Variants in PHIP observed in about 807,000 individuals in gnomAD.
The protein encoded by PHIP is PHIP subunit of CUL4-Ring ligase complex.
Under a neutral mutation model 236.8 loss-of-function variants are expected in PHIP, and 54 were observed. The observed-to-expected ratio is 0.23, with a 90% CI of 0.18 to 0.29. The LOEUF is 0.29. PHIP is among the 10% of genes least tolerant of loss of function. The probability of loss-of-function intolerance (pLI) is 1.00; values close to 1 mark genes in which losing one functional copy is unlikely to be tolerated. For synonymous variants in PHIP, 756 were observed against 718.9 expected (o/e 1.05, Z -0.83); for missense variants, 1,370 against 2,190.8 (o/e 0.63, Z 7.48).
At chr6:79,052,408 G>A (rs1407918061) in intron 6 of PHIP, among the ~76,000 whole-genome samples, 1 of 152,302 alleles carries the variant, frequency 6.6e-6, no homozygotes. Flanking sequence ...CAAGAGAAGA[G>A]ACTGAGAAGG....
intron 7 of PHIP, among the ~76,000 whole-genome samples, chr6:79,034,709 G>A (rs1002611536): frequency 6.6e-6 from 1 of 152,194 alleles, no homozygotes; most frequent in Non-Finnish European, 1.5e-5. Context: ...AGGCCAAGAA[G>A]TCAATTTAGG....
At chr6:79,046,876 AAAC>A (rs565603512) in intron 6 of PHIP, among the ~76,000 whole-genome samples, 2 of 151,676 alleles carry the variant, frequency 1.3e-5, no homozygotes, top group Non-Finnish European at 2.9e-5. Context: ...ACTCCATCTC[AAAC>A]AACAACAAAT....
chr6:78,969,218 G>A (rs1052675938), intron 27 of PHIP, among the ~76,000 whole-genome samples: 8 of 152,150 alleles, frequency 5.3e-5, no homozygotes, highest in African/African-American at 7.2e-5. Flanking sequence ...ATGTCAATGC[G>A]TTCTAGTGGC....
At chr6:78,958,733 C>A in intron 31 of PHIP, 133 bp from the exon 32 acceptor site, 1 of 641,530 alleles carries the variant, frequency 1.6e-6, no homozygotes. Flanking sequence ...CTTATAAAGT[C>A]ATTTTCAAAG....
At position 78,940,548 on chromosome 6, in the gene PHIP, GTTT is replaced by G. The variant is rs36155238; in HGVS notation, c.*142_*144del. The G allele has an allele frequency of 5.0e-4, 41 of 82,702 alleles. No homozygotes were observed. Among genetic ancestry groups the G allele is most frequent in the Non-Finnish European group, 5.6e-4 (27 of 47,992 alleles). 5.1% of individuals were successfully genotyped at this position (82,702 alleles called of 1,614,324 possible). On this transcript the variant is annotated 3_prime_UTR_variant, in exon 40 of 40. Transcript: ENST00000275034. ...AAGAAGTGAAGTGTCTCGTAAGTTT[GTTT>G]TTTTTTTTTTTTTTTTTTTTGCAAA...
At chr6:79,050,785 T>C (rs1019111298) in intron 6 of PHIP, among the ~76,000 whole-genome samples, 1 of 152,130 alleles carries the variant, frequency 6.6e-6, no homozygotes, top group East Asian at 1.9e-4. Flanking sequence ...AAAGAAACAC[T>C]AATGCCTAAG....
At position 78,961,791 on chromosome 6, in the gene PHIP, C is replaced by A. The variant is rs936094555; in HGVS notation, c.3555G>T (p.Val1185=). The change falls in exon 31 of 40, where the codon GTG becomes GTT. Residue 1185 remains valine (V), a synonymous_variant. Coordinates refer to ENST00000275034, the MANE Select transcript of PHIP (RefSeq NM_017934.7). ...LMTLDIASAF[V]APVDLQAYPM... ...GATAGGCTTGCAGATCCACGGGGGC[C>A]ACAAATGCTGAGGCAATATCTAAAA... 1.2e-6 allele frequency: 2 copies of A among 1,610,190 alleles called. No individual in the cohort carries two copies. The highest frequency in any genetic ancestry group is 1.7e-6 in the Non-Finnish European group (2 of 1,177,630).
rs1773198643 is a variant in PHIP, at chr6:78,934,712, A to C, written c.*5981T>G. 1.3e-5 allele frequency among the ~76,000 whole-genome samples: 2 copies of C among 152,240 alleles called. No individual in the cohort carries two copies. Among genetic ancestry groups the C allele is most frequent in the Admixed American group, 6.5e-5 (1 of 15,284 alleles). ...CACCACTGGCTATTTGAACAGAATT[A>C]GACCTCACAGATAATTTAATCAACC... On this transcript the variant is annotated 3_prime_UTR_variant, in exon 40 of 40. Transcript: ENST00000275034.
At position 79,017,547 on chromosome 6, in the gene PHIP, A is replaced by G. The variant is rs759691903; in HGVS notation, c.1031T>C (p.Ile344Thr). Residue 344 changes from isoleucine (I) to threonine (T), a missense_variant, in exon 11 of 40, where the codon ATT (isoleucine) becomes ACT (threonine). By Grantham distance (89) the Ile-to-Thr change is moderately conservative (BLOSUM62 -1). Around this residue, in one of 14 missense-constraint regions of PHIP, gnomAD observed 188 missense variants for 354.3 expected, o/e 0.53. Transcript: ENST00000275034. ...MFLATGSTDH[I>T]IRVYFFGSGQ... ...TGATCCAAAAAAATAAACCCGAATA[A>G]TATGATCTGTGCTTCCCGTCGCCAG... The G allele has an allele frequency of 1.2e-6, 2 of 1,612,300 alleles. No homozygotes were observed. Among genetic ancestry groups the G allele is most frequent in the East Asian group, 4.5e-5 (2 of 44,740 alleles).
chr6:79,016,533 T>C lies in PHIP; in HGVS notation c.1235+11A>G. ...CAATATATACATAATATTTCAAATTTGACCTCTTACCCTGCTGGACGAGTA... is the reference window on the plus strand; with the variant it reads ...CAATATATACATAATATTTCAAATTCGACCTCTTACCCTGCTGGACGAGTA... On this transcript the variant is annotated intron_variant, in intron 13 of 39. Transcript: ENST00000275034. 1.3e-6 allele frequency: 2 copies of C among 1,558,764 alleles called. No individual in the cohort carries two copies. The highest frequency in any genetic ancestry group is 3.4e-4 in the Middle Eastern group (2 of 5,944).
At chr6:78,966,996 A>G (rs1007132521) in intron 27 of PHIP, among the ~76,000 whole-genome samples, 6 of 152,368 alleles carry the variant, frequency 3.9e-5, no homozygotes, top group African/African-American at 1.4e-4. Flanking sequence ...AATGAGTTCT[A>G]TTAAAGCACT....
rs544579393 is a variant in PHIP, at chr6:78,964,515, T to C, written c.3379+1188A>G. ...TAATATATTATTATTATTTTTGAGA[T>C]GGAGTCTCGCTCTGTTGCCCAGGCT... On this transcript the variant is annotated intron_variant, in intron 29 of 39. Coordinates refer to ENST00000275034, the MANE Select transcript of PHIP (RefSeq NM_017934.7). Among the ~76,000 whole-genome samples the C allele has an allele frequency of 6.6e-5, 10 of 152,272 alleles. No individual in the cohort carries two copies. In the East Asian group the frequency reaches 1.7e-3, roughly 26 times the overall value.
In PHIP at chr6:78,958,407, T is replaced by C. The variant is rs78027005; in HGVS notation, c.3782+68A>G. 2.4e-4 allele frequency: 246 copies of C among 1,017,320 alleles called. No homozygotes were observed. In the East Asian group the frequency reaches 6.0e-3, roughly 25 times the overall value. The allele number at this position is 1,017,320 out of a possible 1,614,324, so 63.0% of individuals were successfully genotyped here. ...TTCTTTACAAACAGTATGTTTTCTA[T>C]TTTAAGAGGAACTGTAGTGCCATTA... On this transcript the variant is annotated intron_variant, in intron 32 of 39. Coordinates refer to ENST00000275034, the MANE Select transcript of PHIP (RefSeq NM_017934.7).
At chr6:79,020,306 A>G (rs1017034238) in intron 9 of PHIP, among the ~76,000 whole-genome samples, 9 of 152,216 alleles carry the variant, frequency 5.9e-5, no homozygotes, top group African/African-American at 2.2e-4. Context: ...AATTTAAAAA[A>G]TAAGTTTGTA....
At chr6:79,074,905 T>A (rs1774072444) in intron 4 of PHIP, among the ~76,000 whole-genome samples, 1 of 152,110 alleles carries the variant, frequency 6.6e-6, no homozygotes, top group South Asian at 2.1e-4. Context: ...AGCAATAATT[T>A]GAGGTTTCCT....
chr6:79,055,702 C>T (rs1280775411), intron 6 of PHIP, among the ~76,000 whole-genome samples: 1 of 152,148 alleles, frequency 6.6e-6, no homozygotes, highest in Non-Finnish European at 1.5e-5. Context: ...CAACTTACAT[C>T]AAAGACCAAA....
intron 4 of PHIP, among the ~76,000 whole-genome samples, chr6:79,061,560 C>T (rs181555732): frequency 1.6e-4 from 24 of 152,126 alleles, no homozygotes; most frequent in Admixed American, 1.6e-3. Flanking sequence ...CAATGCCACG[C>T]TTCTCACAAA....
chr6:78,974,444 C>A (rs995417672), intron 24 of PHIP, among the ~76,000 whole-genome samples: 3 of 151,560 alleles, frequency 2.0e-5, no homozygotes, highest in African/African-American at 7.3e-5. Context: ...AAAATTGACA[C>A]CCTAACATCA....
intron 35 of PHIP, among the ~76,000 whole-genome samples, chr6:78,950,878 T>C (rs184353661): frequency 6.6e-6 from 1 of 152,282 alleles, no homozygotes; most frequent in Non-Finnish European, 1.5e-5. Context: ...TTTGTTGGCT[T>C]ACCTTTGGGT....
Sources: gnomAD v4.1 joint callset for allele counts (sites outside exome capture counted in the v4.1 genomes callset) on GRCh38, gnomAD v4.1.1 for gene constraint, gnomAD v4.1.1 regional missense constraint, MANE v1.5 for transcripts, NCBI Gene and HGNC (gene_info 2026-07-23, HGNC 2026-07-21) for gene names.